The following MOB4 variants were observed in gnomAD, a reference collection of about 807,000 sequenced individuals.
MOB4 encodes the protein MOB-like protein phocein.
A neutral mutation model predicts 32.2 loss-of-function variants in MOB4; 4 were observed. That is an observed-to-expected ratio of 0.12 (90% CI 0.06 to 0.28). MOB4 has a LOEUF of 0.28. Ranked by LOEUF, MOB4 falls within the 10% of genes least tolerant of loss-of-function variation. The pLI, the probability that MOB4 is intolerant of heterozygous loss-of-function variation, is 1.00. For missense variants in MOB4, 158 were observed against 271.2 expected, an observed-to-expected ratio of 0.58 and a Z score of 2.93; for synonymous variants, 88 against 88.1, an observed-to-expected ratio of 1.00 and a Z score of 0.01.
intron 3 of MOB4, among the ~76,000 whole-genome samples, chr2:197,538,975 C>G (rs2086850033): frequency 6.6e-6 from 1 of 152,118 alleles, no homozygotes; most frequent in Admixed American, 6.6e-5. Flanking sequence ...TTGTTTTCCT[C>G]TGTTACAATG....
At chr2:197,542,775 T>A (rs2086918965) in intron 5 of MOB4, among the ~76,000 whole-genome samples, 1 of 152,182 alleles carries the variant, frequency 6.6e-6, no homozygotes, top group African/African-American at 2.4e-5. Flanking sequence ...TATTTTGCCA[T>A]TTTTTGCTGT....
At chr2:197,548,285 A>T in intron 5 of MOB4, 51 bp from the exon 6 acceptor site, 4 of 1,516,338 alleles carry the variant, frequency 2.6e-6, no homozygotes, top group Non-Finnish European at 3.6e-6. Flanking sequence ...AATATATCTA[A>T]CTTAAGAGAG....
chr2:197,533,883 C>A, intron 2 of MOB4: 1 of 644,058 alleles, frequency 1.6e-6, no homozygotes, highest in Admixed American at 1.8e-5. Context: ...TCCCATTCCC[C>A]AGTGGATTCA....
intron 5 of MOB4, among the ~76,000 whole-genome samples, chr2:197,543,255 C>G (rs1003039845): frequency 6.6e-6 from 1 of 152,086 alleles, no homozygotes; most frequent in Non-Finnish European, 1.5e-5. Flanking sequence ...GATCACACCA[C>G]TACACTCCAG....
At chr2:197,517,080 G>T (rs1044083197) in intron 1 of MOB4, among the ~76,000 whole-genome samples, 18 of 152,178 alleles carry the variant, frequency 1.2e-4, no homozygotes, top group Non-Finnish European at 2.5e-4. Flanking sequence ...GTATGTCTGA[G>T]AATAGATTTT....
At chr2:197,545,444 A>C (rs1010281097) in intron 5 of MOB4, among the ~76,000 whole-genome samples, 3 of 152,170 alleles carry the variant, frequency 2.0e-5, no homozygotes, top group Non-Finnish European at 4.4e-5. Context: ...TGTAGTTTTG[A>C]TCTGCAGTTG....
chr2:197,537,215 T>C (rs1484740772), intron 3 of MOB4, among the ~76,000 whole-genome samples: 1 of 152,150 alleles, frequency 6.6e-6, no homozygotes, highest in East Asian at 1.9e-4. Context: ...ATGAAAAAAT[T>C]GATAACTAGT....
upstream of MOB4, chr2:197,516,023 C>A: frequency 6.6e-7 from 1 of 1,505,822 alleles, no homozygotes; most frequent in Non-Finnish European, 9.0e-7. Context: ...CTCTGCCCCG[C>A]CCCCCGCGCA....
At chr2:197,515,825 C>T (rs374642941), upstream of MOB4, 5 of 524,916 alleles carry the variant, frequency 9.5e-6, no homozygotes, top group African/African-American at 1.0e-4. Flanking sequence ...CGCCCCGCAG[C>T]CCTCGCAAAG....
intron 2 of MOB4, chr2:197,533,788 A>G: frequency 1.8e-6 from 1 of 570,714 alleles, no homozygotes; most frequent in Admixed American, 1.9e-5. Flanking sequence ...TGTGCGTGTG[A>G]CTCAGTTCTT....
chr2:197,527,412 G>GT (rs1450804144), intron 2 of MOB4, among the ~76,000 whole-genome samples: 1 of 152,062 alleles, frequency 6.6e-6, no homozygotes, highest in Non-Finnish European at 1.5e-5. Context: ...AGGTGCTATT[G>GT]TAAGTGGAAT....
chr2:197,517,866 G>T (rs889952096), intron 1 of MOB4, among the ~76,000 whole-genome samples: 3 of 152,192 alleles, frequency 2.0e-5, no homozygotes, highest in Non-Finnish European at 4.4e-5. Flanking sequence ...AGGGCTGGGT[G>T]CGGTGGCTCA....
At chr2:197,531,208 C>T (rs1215855576) in intron 2 of MOB4, among the ~76,000 whole-genome samples, 1 of 151,830 alleles carries the variant, frequency 6.6e-6, no homozygotes, top group Non-Finnish European at 1.5e-5. Context: ...CCACTATGCC[C>T]GGCTATTTTG....
intron 3 of MOB4, among the ~76,000 whole-genome samples, chr2:197,536,727 G>A (rs1218880603): frequency 2.7e-5 from 4 of 150,176 alleles, no homozygotes; most frequent in South Asian, 2.1e-4. Flanking sequence ...TCAGCCTCCC[G>A]AGTAGCTGGG....
intron 3 of MOB4, among the ~76,000 whole-genome samples, chr2:197,536,166 T>C (rs1378189328): frequency 6.6e-6 from 1 of 152,162 alleles, no homozygotes; most frequent in Non-Finnish European, 1.5e-5. Flanking sequence ...CCCAAAGTAT[T>C]GAGCCACCCT....
chr2:197,537,598 G>A (rs75613055), intron 3 of MOB4, among the ~76,000 whole-genome samples: 3,146 of 152,220 alleles, frequency 0.021, 115 homozygotes, highest in African/African-American at 0.072. Context: ...TGTATCCTTT[G>A]CCAGTTTTTA....
intron 5 of MOB4, among the ~76,000 whole-genome samples, chr2:197,545,753 G>C (rs149785957): frequency 6.6e-6 from 1 of 152,126 alleles, no homozygotes; most frequent in Non-Finnish European, 1.5e-5. Flanking sequence ...AAATTAGGTT[G>C]GTTGTTGCTT....
intron 5 of MOB4, 114 bp downstream of exon 5, chr2:197,540,551 A>C: frequency 9.8e-7 from 1 of 1,020,898 alleles, no homozygotes; most frequent in Non-Finnish European, 1.3e-6. Flanking sequence ...TTGCTATTTC[A>C]TTTTGAGTTG....
At chr2:197,525,544 C>T (rs573928334) in intron 2 of MOB4, among the ~76,000 whole-genome samples, 21 of 151,866 alleles carry the variant, frequency 1.4e-4, no homozygotes, top group African/African-American at 4.8e-4. Flanking sequence ...TGAAACCAGC[C>T]TGGACAATAT....
Sources: gnomAD v4.1 joint callset for allele counts (sites outside exome capture counted in the v4.1 genomes callset) on GRCh38, gnomAD v4.1.1 for gene constraint, MANE v1.5 for transcripts, NCBI Gene and HGNC (gene_info 2026-07-23, HGNC 2026-07-21) for gene names.